The following PCDH9 variants were observed in gnomAD, a reference collection of about 807,000 sequenced individuals.
The protein encoded by PCDH9 is protocadherin-9.
In PCDH9, 24 loss-of-function variants were observed where a neutral mutation model predicts 70.6. The ratio of observed to expected loss-of-function variants is 0.34; its 90% CI spans 0.25 to 0.48. The LOEUF is 0.48. Among genes scored for constraint, PCDH9 ranks in the 20% least tolerant of loss-of-function variants. PCDH9 has a pLI of 0.99. For synonymous variants in PCDH9, 562 were observed against 558.5 expected (o/e 1.01, Z -0.09); for missense variants, 1,281 against 1,503.6 (o/e 0.85, Z 2.45).
chr13:66,515,851 G>A (rs1593606727), intron 4 of PCDH9, among the ~76,000 whole-genome samples: 1 of 151,920 alleles, frequency 6.6e-6, no homozygotes, highest in South Asian at 2.1e-4. Flanking sequence ...GCTTTCTCAA[G>A]TGAATTTTAA....
chr13:66,527,423 T>C (rs1397917236), intron 4 of PCDH9, among the ~76,000 whole-genome samples: 1 of 152,150 alleles, frequency 6.6e-6, no homozygotes, highest in Non-Finnish European at 1.5e-5. Flanking sequence ...GATTAATGTT[T>C]TCTTTCTCTG....
chr13:67,027,019 C>T (rs888836351), intron 2 of PCDH9, among the ~76,000 whole-genome samples: 142 of 152,250 alleles, frequency 9.3e-4, no homozygotes, highest in South Asian at 2.5e-3. Flanking sequence ...AATGCCATCC[C>T]CATCAAGCTA....
At chr13:66,624,896 T>C (rs2077478061) in intron 4 of PCDH9, among the ~76,000 whole-genome samples, 1 of 152,088 alleles carries the variant, frequency 6.6e-6, no homozygotes, top group African/African-American at 2.4e-5. Context: ...TGATTCCGAG[T>C]TTTATACCAG....
chr13:66,704,302 CAGTTAAAGCAG>C (rs1357772540), intron 3 of PCDH9, among the ~76,000 whole-genome samples: 1 of 152,108 alleles, frequency 6.6e-6, no homozygotes, highest in Non-Finnish European at 1.5e-5. Context: ...GCTTTCACTT[CAGTTAAAGCAG>C]AAACTGATGT....
chr13:66,948,961 G>C (rs1035775107), intron 2 of PCDH9, among the ~76,000 whole-genome samples: 4 of 151,966 alleles, frequency 2.6e-5, no homozygotes, highest in Non-Finnish European at 5.9e-5. Flanking sequence ...TACTACGTTA[G>C]AGCACACGAT....
intron 3 of PCDH9, among the ~76,000 whole-genome samples, chr13:66,856,171 T>C (rs1483237428): frequency 1.3e-5 from 2 of 152,042 alleles, no homozygotes; most frequent in African/African-American, 4.8e-5. Flanking sequence ...TAAAAAGTGA[T>C]AGTGTCTTGG....
At chr13:66,775,853 C>T (rs565199214) in intron 3 of PCDH9, among the ~76,000 whole-genome samples, 12 of 152,206 alleles carry the variant, frequency 7.9e-5, no homozygotes, top group Admixed American at 2.6e-4. Flanking sequence ...TGCTGTTCAG[C>T]GTTCAACTGT....
intron 4 of PCDH9, among the ~76,000 whole-genome samples, chr13:66,460,795 TAA>T (rs1337836947): frequency 1.3e-5 from 2 of 151,846 alleles, no homozygotes; most frequent in Admixed American, 1.3e-4. Flanking sequence ...CAGAAATGCC[TAA>T]ACTACTCCAG....
At chr13:66,635,375 G>A (rs1482592482) in intron 3 of PCDH9, among the ~76,000 whole-genome samples, 1 of 152,036 alleles carries the variant, frequency 6.6e-6, no homozygotes, top group Non-Finnish European at 1.5e-5. Flanking sequence ...AACTACTAAG[G>A]CTTCCACACT....
intron 2 of PCDH9, chr13:67,206,986 C>T (rs893282182): frequency 1.3e-5 from 2 of 152,064 alleles, no homozygotes; most frequent in African/African-American, 4.8e-5. Context: ...AAAAATATCT[C>T]GAATCGTACT....
At chr13:66,828,514 A>G (rs2080863992) in intron 3 of PCDH9, among the ~76,000 whole-genome samples, 1 of 152,178 alleles carries the variant, frequency 6.6e-6, no homozygotes, top group Non-Finnish European at 1.5e-5. Context: ...AGGTTAAGCC[A>G]TGGGCATCTA....
At chr13:66,417,005 G>A (rs568674570) in intron 4 of PCDH9, among the ~76,000 whole-genome samples, 4 of 152,234 alleles carry the variant, frequency 2.6e-5, no homozygotes, top group Admixed American at 6.5e-5. Flanking sequence ...TCCTGAGTAG[G>A]ACAAGTGGGT....
intron 3 of PCDH9, among the ~76,000 whole-genome samples, chr13:66,804,286 A>G (rs922481834): frequency 6.6e-6 from 1 of 152,182 alleles, no homozygotes; most frequent in Admixed American, 6.6e-5. Flanking sequence ...TGTTTACTGA[A>G]TCACCAATAA....
chr13:66,613,582 G>T (rs1204332067), intron 4 of PCDH9, among the ~76,000 whole-genome samples: 4 of 152,146 alleles, frequency 2.6e-5, no homozygotes, highest in Non-Finnish European at 5.9e-5. Flanking sequence ...ACACTCTGGG[G>T]CCATGGCCAG....
At chr13:66,450,463 C>T (rs1402007972) in intron 4 of PCDH9, among the ~76,000 whole-genome samples, 2 of 151,996 alleles carry the variant, frequency 1.3e-5, no homozygotes, top group African/African-American at 2.4e-5. Flanking sequence ...TTGAGGGCTC[C>T]GCAGAGACTT....
chr13:67,064,725 T>A (rs2085607683), intron 2 of PCDH9, among the ~76,000 whole-genome samples: 1 of 152,132 alleles, frequency 6.6e-6, no homozygotes, highest in Non-Finnish European at 1.5e-5. Flanking sequence ...TTCTGGACAT[T>A]CCCAAAAGAT....
At chr13:67,187,311 G>A (rs577307003) in intron 2 of PCDH9, among the ~76,000 whole-genome samples, 2 of 152,100 alleles carry the variant, frequency 1.3e-5, no homozygotes, top group Admixed American at 6.6e-5. Flanking sequence ...GTCTTTCCCC[G>A]TGTCTTGTTG....
Position 66,779,864 on chromosome 13 carries a change from T to TATATAC in PCDH9, c.3138+123639_3138+123640insGTATAT, listed in dbSNP as rs1437758789. Among the ~76,000 whole-genome samples the TATATAC allele has an allele frequency of 5.8e-4, 41 of 70,844 alleles. No individual in the cohort carries two copies. In the Admixed American group the frequency reaches 6.9e-3, roughly 12 times the overall value. The allele number at this position is 70,844 out of a possible 152,430, so 46.5% of individuals were successfully genotyped here. A position where few individuals can be genotyped will look rare whatever the true frequency, so the allele number is the denominator to read the frequency against. On this transcript the variant is annotated intron_variant, in intron 3 of 4. Coordinates refer to ENST00000377865, the MANE Select transcript of PCDH9 (RefSeq NM_203487.3). ...CTCTCTCTCTCTATATATATATATA[T>TATATAC]ATACATATATGTGTGTGTGTGTGTG... is the stretch of plus-strand genomic sequence containing the variant.
intron 4 of PCDH9, among the ~76,000 whole-genome samples, chr13:66,615,362 A>G (rs73196700): frequency 6.6e-6 from 1 of 152,270 alleles, no homozygotes; most frequent in Non-Finnish European, 1.5e-5. Context: ...ATTGTATGAG[A>G]TTTCTAAAAT....
Sources: gnomAD v4.1 joint callset for allele counts (sites outside exome capture counted in the v4.1 genomes callset) on GRCh38, gnomAD v4.1.1 for gene constraint, MANE v1.5 for transcripts, NCBI Gene and HGNC (gene_info 2026-07-23, HGNC 2026-07-21) for gene names.